ZMAT4: variants seen among roughly 807,000 people sequenced by gnomAD.
The protein encoded by ZMAT4 is zinc finger matrin-type 4.
ZMAT4 carries 17 observed loss-of-function variants against 28.7 expected under a neutral mutation model. The ratio of observed to expected loss-of-function variants is 0.59; its 90% CI spans 0.41 to 0.89. The LOEUF (loss-of-function observed/expected upper bound fraction) is 0.89. ZMAT4 is among the 40% of genes least tolerant of loss of function. The probability of loss-of-function intolerance (pLI) is 0.00; values close to 1 mark genes in which losing one functional copy is unlikely to be tolerated. For synonymous variants in ZMAT4, 117 were observed against 109.2 expected, an observed-to-expected ratio of 1.07 and a Z score of -0.44; for missense variants, 240 against 283.8, an observed-to-expected ratio of 0.85 and a Z score of 1.11.
chr8:40,579,449 G>A (rs745729098), intron 6 of ZMAT4, among the ~76,000 whole-genome samples: 19 of 152,108 alleles, frequency 1.2e-4, no homozygotes, highest in Non-Finnish European at 1.8e-4. Flanking sequence ...AAGAACTCTA[G>A]TATTCCATAA....
chr8:40,791,277 A>T (rs1309261715), intron 2 of ZMAT4, among the ~76,000 whole-genome samples: 1 of 152,190 alleles, frequency 6.6e-6, no homozygotes, highest in Non-Finnish European at 1.5e-5. Flanking sequence ...CACAGATGTG[A>T]CCAGGTTCCA....
At chr8:40,825,790 C>T (rs1816013909) in intron 1 of ZMAT4, 110 bp from the exon 2 acceptor site, 1 of 776,958 alleles carries the variant, frequency 1.3e-6, no homozygotes, top group Non-Finnish European at 2.1e-6. Flanking sequence ...ACAATGGTGA[C>T]AGAGGGGTGG....
chr8:40,816,239 T>A (rs1361101955), intron 2 of ZMAT4, among the ~76,000 whole-genome samples: 3 of 152,264 alleles, frequency 2.0e-5, no homozygotes, highest in African/African-American at 4.8e-5. Flanking sequence ...TCCTGTGCAG[T>A]CACCCACAAT....
chr8:40,574,294 G>A (rs1804191636), intron 6 of ZMAT4, among the ~76,000 whole-genome samples: 1 of 151,962 alleles, frequency 6.6e-6, no homozygotes, highest in African/African-American at 2.4e-5. Context: ...AAAAACATTT[G>A]ATAATGAATA....
intron 1 of ZMAT4, among the ~76,000 whole-genome samples, chr8:40,883,804 T>C: frequency 6.6e-6 from 1 of 152,124 alleles, no homozygotes; most frequent in East Asian, 1.9e-4. Flanking sequence ...GCAACAACTC[T>C]TGTTTCTTTT....
intron 2 of ZMAT4, among the ~76,000 whole-genome samples, chr8:40,785,000 T>G (rs1046538654): frequency 6.6e-6 from 1 of 152,234 alleles, no homozygotes; most frequent in Non-Finnish European, 1.5e-5. Flanking sequence ...GCTTTCTGAC[T>G]TCAGAGACTA....
chr8:40,719,221 A>C (rs1305463809), intron 3 of ZMAT4, among the ~76,000 whole-genome samples: 1 of 152,108 alleles, frequency 6.6e-6, no homozygotes, highest in Non-Finnish European at 1.5e-5. Flanking sequence ...ACGGCGAATT[A>C]TGAGGTCAGG....
rs185449855 is a variant in ZMAT4 at position 40,624,508 on chromosome 8, C to T, written c.578-43247G>A. 1.8e-3 allele frequency among the ~76,000 whole-genome samples: 279 copies of T among 152,352 alleles called. 1 individual carries two copies. The highest frequency in any genetic ancestry group is 6.3e-3 in the African/African-American group (264 of 41,578). On this transcript the variant is annotated intron_variant, in intron 5 of 6. Transcript: ENST00000297737. ...TCCACCTTCCTTTCCAAATTATTAG[C>T]TCCTTAAGGATGGAAACAATAATTT...
intron 1 of ZMAT4, among the ~76,000 whole-genome samples, chr8:40,859,212 C>T (rs62636693): frequency 0.1 from 15,775 of 152,182 alleles, 1,019 homozygotes; most frequent in African/African-American, 0.16. Flanking sequence ...CGTGATTCCC[C>T]CTGCCTCAGA....
intron 5 of ZMAT4, among the ~76,000 whole-genome samples, chr8:40,653,327 ACTT>A (rs1563390113): frequency 6.6e-6 from 1 of 152,086 alleles, no homozygotes; most frequent in Non-Finnish European, 1.5e-5. Context: ...CAATAACTAA[ACTT>A]CTATCTTAAA....
intron 6 of ZMAT4, among the ~76,000 whole-genome samples, chr8:40,574,538 C>T (rs1439781496): frequency 6.6e-6 from 1 of 152,128 alleles, no homozygotes; most frequent in African/African-American, 2.4e-5. Context: ...TGGTGCCTGG[C>T]ATTTGTTCCT....
chr8:40,690,956 G>T (rs1809636988), intron 4 of ZMAT4: 3 of 981,912 alleles, frequency 3.1e-6, no homozygotes, highest in South Asian at 4.7e-5. Flanking sequence ...CTGCAAATAA[G>T]AAATACTTGA....
At chr8:40,820,425 G>T (rs1815720528) in intron 2 of ZMAT4, among the ~76,000 whole-genome samples, 1 of 148,566 alleles carries the variant, frequency 6.7e-6, no homozygotes, top group Non-Finnish European at 1.5e-5. Flanking sequence ...TGTGTATAGT[G>T]TGTGCTTATG....
intron 6 of ZMAT4, among the ~76,000 whole-genome samples, chr8:40,561,854 A>G (rs1001093901): frequency 1.3e-5 from 2 of 152,150 alleles, no homozygotes; most frequent in Admixed American, 6.5e-5. Flanking sequence ...TCTTCTTCCA[A>G]TATGGCCCAG....
intron 1 of ZMAT4, among the ~76,000 whole-genome samples, chr8:40,874,660 G>A (rs1197509555): frequency 6.6e-6 from 1 of 152,174 alleles, no homozygotes; most frequent in African/African-American, 2.4e-5. Context: ...CCCTCTCAGG[G>A]CAGGTAAGCA....
chr8:40,572,624 A>G (rs1191074339), intron 6 of ZMAT4, among the ~76,000 whole-genome samples: 1 of 152,276 alleles, frequency 6.6e-6, no homozygotes. Context: ...GTGCGTTTAC[A>G]TTTTATTTTA....
At chr8:40,772,800 C>T (rs538609569) in intron 2 of ZMAT4, among the ~76,000 whole-genome samples, 2 of 152,210 alleles carry the variant, frequency 1.3e-5, no homozygotes, top group Non-Finnish European at 2.9e-5. Context: ...ACAGGAAAAC[C>T]TGGAACAAAG....
At chr8:40,716,125 T>G (rs994389145) in intron 3 of ZMAT4, among the ~76,000 whole-genome samples, 2 of 152,164 alleles carry the variant, frequency 1.3e-5, no homozygotes, top group Non-Finnish European at 2.9e-5. Context: ...AATGGAGGGC[T>G]TTATAGGGGA....
chr8:40,857,443 G>A (rs1282975059), intron 1 of ZMAT4, among the ~76,000 whole-genome samples: 2 of 152,042 alleles, frequency 1.3e-5, no homozygotes, highest in South Asian at 4.2e-4. Context: ...GGACTTGATG[G>A]TTAATTTTAC....
Sources: allele counts gnomAD v4.1 joint callset (sites outside exome capture counted in the v4.1 genomes callset), GRCh38; gene constraint gnomAD v4.1.1; transcripts MANE v1.5; gene names NCBI Gene and HGNC (gene_info 2026-07-23, HGNC 2026-07-21).